The following RBFOX1 variants were observed in gnomAD, a reference collection of about 807,000 sequenced individuals.
RBFOX1 encodes RNA binding protein fox-1 homolog 1.
RBFOX1 carries 8 observed loss-of-function variants against 57.7 expected under a neutral mutation model. The ratio of observed to expected loss-of-function variants is 0.14; its 90% CI spans 0.08 to 0.25. The LOEUF is 0.25. Ranked by LOEUF, RBFOX1 falls within the 10% of genes least tolerant of loss-of-function variation. The pLI, the probability that RBFOX1 is intolerant of heterozygous loss-of-function variation, is 1.00. For missense variants in RBFOX1, 611 were observed against 548.5 expected, an observed-to-expected ratio of 1.11 and a Z score of -1.14; for synonymous variants, 326 against 222.4, an observed-to-expected ratio of 1.47 and a Z score of -4.15.
At chr16:6,298,569 T>C (rs73523259) in intron 1 of RBFOX1, among the ~76,000 whole-genome samples, 36,839 of 152,174 alleles carry the variant, frequency 0.24, 4,655 homozygotes, top group Non-Finnish European at 0.28. Context: ...GCCTGAACTT[T>C]GCCTTTAGCT....
At chr16:7,214,125 G>T (rs141643816) in intron 4 of RBFOX1, among the ~76,000 whole-genome samples, 1 of 151,368 alleles carries the variant, frequency 6.6e-6, no homozygotes, top group Non-Finnish European at 1.5e-5. Context: ...TTATTTTCTT[G>T]TTCTCTGACC....
intron 1 of RBFOX1, among the ~76,000 whole-genome samples, chr16:5,322,064 T>G (rs1195250740): frequency 6.6e-6 from 1 of 152,110 alleles, no homozygotes; most frequent in Non-Finnish European, 1.5e-5. Flanking sequence ...TTAGCATGTT[T>G]CACAAGGCCT....
At chr16:6,997,421 T>G (rs1445656975) in intron 3 of RBFOX1, among the ~76,000 whole-genome samples, 5 of 152,214 alleles carry the variant, frequency 3.3e-5, no homozygotes, top group African/African-American at 1.2e-4. Context: ...AACGGCTGCT[T>G]GATCAGAGTT....
At chr16:6,798,060 T>C (rs1188387103) in intron 3 of RBFOX1, among the ~76,000 whole-genome samples, 2 of 152,066 alleles carry the variant, frequency 1.3e-5, no homozygotes, top group Non-Finnish European at 2.9e-5. Context: ...ACCCAACACA[T>C]AGGCATGTTA....
chr16:6,393,260 A>T (rs997724822), intron 2 of RBFOX1, among the ~76,000 whole-genome samples: 1 of 152,230 alleles, frequency 6.6e-6, no homozygotes, highest in African/African-American at 2.4e-5. Context: ...TCCAGTCATT[A>T]GGGTTTTAAG....
At chr16:5,715,535 A>T (rs1402117686) in intron 3 of RBFOX1, among the ~76,000 whole-genome samples, 2 of 152,362 alleles carry the variant, frequency 1.3e-5, no homozygotes, top group African/African-American at 4.8e-5. Context: ...AGTCCAGTTG[A>T]CTGATCTCTC....
intron 3 of RBFOX1, among the ~76,000 whole-genome samples, chr16:5,607,172 C>T (rs1460255022): frequency 1.3e-5 from 2 of 152,160 alleles, no homozygotes; most frequent in East Asian, 3.9e-4. Context: ...CTTCTCACTG[C>T]TAATGTGCCT....
At chr16:6,533,231 A>G (rs2096685122) in intron 2 of RBFOX1, among the ~76,000 whole-genome samples, 1 of 152,236 alleles carries the variant, frequency 6.6e-6, no homozygotes, top group African/African-American at 2.4e-5. Context: ...AGGATTCTTG[A>G]TTGTCTGCAA....
intron 4 of RBFOX1, among the ~76,000 whole-genome samples, chr16:7,148,673 T>A (rs1345924524): frequency 6.6e-6 from 1 of 152,180 alleles, no homozygotes; most frequent in Non-Finnish European, 1.5e-5. Flanking sequence ...TGAATAGATG[T>A]GCCGCTCTAC....
chr16:5,649,422 G>T (rs982983495), intron 3 of RBFOX1, among the ~76,000 whole-genome samples: 3 of 152,062 alleles, frequency 2.0e-5, no homozygotes, highest in South Asian at 2.1e-4. Flanking sequence ...CACCTGCCTC[G>T]GTCTCCCAAA....
At chr16:7,268,606 C>T (rs767109528) in intron 4 of RBFOX1, among the ~76,000 whole-genome samples, 1 of 152,124 alleles carries the variant, frequency 6.6e-6, no homozygotes, top group Non-Finnish European at 1.5e-5. Context: ...CAGTTGGTGG[C>T]CAAGTTGTCT....
In RBFOX1 at chr16:5,319,991, C is replaced by T. The variant is rs146730164; in HGVS notation, c.219+79886C>T. On this transcript the variant is annotated intron_variant, in intron 1 of 2. Coordinates refer to the RBFOX1 transcript ENST00000585867. Reference sequence around the variant, plus strand: ...CATTTTGGTGGCCCGGGTGCAGTCACATGGCCTGACCTTACTACAAGGGAG... The same window carrying T: ...CATTTTGGTGGCCCGGGTGCAGTCATATGGCCTGACCTTACTACAAGGGAG... Among the ~76,000 whole-genome samples, 322 of 152,294 alleles carry T rather than the reference C, an allele frequency of 2.1e-3. 3 individuals carry two copies. Among genetic ancestry groups the T allele is most frequent in the African/African-American group, 7.4e-3 (306 of 41,574 alleles).
At chr16:6,757,952 T>C (rs12447591) in intron 3 of RBFOX1, among the ~76,000 whole-genome samples, 69,961 of 151,900 alleles carry the variant, frequency 0.46, 16,326 homozygotes, top group Middle Eastern at 0.52. Flanking sequence ...TTTTAAACAA[T>C]TACAACAACA....
rs149079125 is a variant in RBFOX1, at chr16:7,692,942, A to T, written c.995+16104A>T. On this transcript the variant is annotated intron_variant, in intron 14 of 15. Coordinates refer to ENST00000550418, the MANE Select transcript of RBFOX1 (RefSeq NM_018723.4). ...TTTTATAATTTTTCTAGCTAGCTGT[A>T]GTATACCCTATTTCTTAATCATTAG... 3.9e-3 allele frequency among the ~76,000 whole-genome samples: 600 copies of T among 152,034 alleles called. 3 individuals are homozygous for T. The highest frequency in any genetic ancestry group is 0.013 in the African/African-American group (558 of 41,486).
intron 2 of RBFOX1, among the ~76,000 whole-genome samples, chr16:6,504,625 G>A (rs2096039524): frequency 6.6e-6 from 1 of 152,196 alleles, no homozygotes; most frequent in Admixed American, 6.5e-5. Context: ...AGATGGGCAA[G>A]TGTGAGGGGT....
chr16:6,010,271 C>G (rs562174160), intron 4 of RBFOX1, among the ~76,000 whole-genome samples: 119 of 152,176 alleles, frequency 7.8e-4, no homozygotes, highest in Non-Finnish European at 9.1e-4. Context: ...ATTAACACCT[C>G]CCCTCCCCAG....
chr16:7,184,098 C>T (rs1001434275), intron 4 of RBFOX1, among the ~76,000 whole-genome samples: 4 of 152,058 alleles, frequency 2.6e-5, no homozygotes, highest in African/African-American at 7.2e-5. Flanking sequence ...AGCCTGGCAG[C>T]ACAAAGATGT....
chr16:7,546,476 T>A (rs990337918), intron 5 of RBFOX1, among the ~76,000 whole-genome samples: 3 of 152,216 alleles, frequency 2.0e-5, no homozygotes, highest in Non-Finnish European at 4.4e-5. Flanking sequence ...CCATATTCAA[T>A]ATAGAAAATA....
intron 2 of RBFOX1, among the ~76,000 whole-genome samples, chr16:6,602,133 T>C (rs528552837): frequency 6.6e-6 from 1 of 152,314 alleles, no homozygotes; most frequent in African/African-American, 2.4e-5. Context: ...GAGAAATGTT[T>C]GTTCAAATCC....
Sources: allele counts gnomAD v4.1 joint callset (sites outside exome capture counted in the v4.1 genomes callset), GRCh38; gene constraint gnomAD v4.1.1; transcripts MANE v1.5; gene names NCBI Gene and HGNC (gene_info 2026-07-23, HGNC 2026-07-21).